The following LEKR1 variants were observed in gnomAD, a reference collection of about 807,000 sequenced individuals.
The protein encoded by LEKR1 is leucine, glutamate and lysine rich 1.
Under a neutral mutation model 72.4 loss-of-function variants are expected in LEKR1, and 59 were observed. The observed-to-expected ratio is 0.82, with a 90% confidence interval of 0.66 to 1.01. The LOEUF (loss-of-function observed/expected upper bound fraction) is 1.01, where lower values mean the gene tolerates loss of function less well. Ranked by LOEUF, LEKR1 falls within the 50% of genes least tolerant of loss-of-function variation. LEKR1 has a pLI of 0.00. For missense variants in LEKR1, 728 were observed against 759.2 expected, an observed-to-expected ratio of 0.96 and a Z score of 0.48; for synonymous variants, 257 against 263.2, an observed-to-expected ratio of 0.98 and a Z score of 0.23.
At chr3:156,916,192 G>A (rs1435478936) in intron 3 of LEKR1, among the ~76,000 whole-genome samples, 3 of 151,950 alleles carry the variant, frequency 2.0e-5, no homozygotes, top group Non-Finnish European at 2.9e-5. Context: ...GTTGGATAGT[G>A]TGATGCTTTT....
chr3:156,913,177 T>G (rs1330815421), intron 3 of LEKR1, among the ~76,000 whole-genome samples: 3 of 152,208 alleles, frequency 2.0e-5, no homozygotes, highest in African/African-American at 7.2e-5. Flanking sequence ...AAAATGACAT[T>G]GATAGTTTGA....
At chr3:157,044,487 T>C (rs1035816764) in intron 12 of LEKR1, among the ~76,000 whole-genome samples, 5 of 152,244 alleles carry the variant, frequency 3.3e-5, no homozygotes, top group African/African-American at 1.2e-4. Context: ...TTTGCTTCAG[T>C]ACATCCCTGT....
rs577845007 is a variant in LEKR1 at position 157,031,388 on chromosome 3, G to C, written c.1668+2986G>C. 5.3e-4 allele frequency among the ~76,000 whole-genome samples: 80 copies of C among 152,222 alleles called. 1 individual carries two copies. The Middle Eastern group carries it at 0.01, about 19-fold the overall frequency. On this transcript the variant is annotated intron_variant, in intron 12 of 12. Transcript: ENST00000356539. ...GAAAACCAATTAAGGGTATACTTAG[G>C]GGGGCAATTTCCTTTTGTGGGAGCG...
At chr3:156,916,493 T>G (rs1723665170) in intron 3 of LEKR1, among the ~76,000 whole-genome samples, 1 of 152,112 alleles carries the variant, frequency 6.6e-6, no homozygotes, top group African/African-American at 2.4e-5. Context: ...TTAACTGTTT[T>G]CCTATTCAGT....
intron 6 of LEKR1, among the ~76,000 whole-genome samples, chr3:156,946,446 T>G (rs1263171368): frequency 6.6e-6 from 1 of 151,630 alleles, no homozygotes; most frequent in African/African-American, 2.4e-5. Flanking sequence ...TTATCTTGTC[T>G]GATTGCTCTA....
chr3:156,888,903 C>G (rs112590934), intron 3 of LEKR1, among the ~76,000 whole-genome samples: 1 of 152,150 alleles, frequency 6.6e-6, no homozygotes, highest in African/African-American at 2.4e-5. Context: ...GAAAAATTAA[C>G]TTAAGCATAA....
intron 3 of LEKR1, among the ~76,000 whole-genome samples, chr3:156,887,505 G>A (rs987098893): frequency 6.6e-6 from 1 of 152,112 alleles, no homozygotes; most frequent in African/African-American, 2.4e-5. Flanking sequence ...GAACTGTTAT[G>A]TAGATGTTTT....
chr3:157,040,879 T>C (rs1475903568), intron 12 of LEKR1, among the ~76,000 whole-genome samples: 1 of 152,200 alleles, frequency 6.6e-6, no homozygotes, highest in African/African-American at 2.4e-5. Context: ...ATGGGAGTCT[T>C]ACCTTCAGAA....
intron 10 of LEKR1, 42 bp downstream of exon 10, chr3:157,011,548 A>G: frequency 7.2e-7 from 1 of 1,381,464 alleles, no homozygotes; most frequent in South Asian, 1.2e-5. Flanking sequence ...ACCTATTTGC[A>G]TTTTAAAAAT....
intron 10 of LEKR1, among the ~76,000 whole-genome samples, chr3:157,015,788 T>C (rs1368692155): frequency 6.6e-6 from 1 of 152,026 alleles, no homozygotes; most frequent in Non-Finnish European, 1.5e-5. Flanking sequence ...GAAAAGACAT[T>C]AAAACAAATA....
At chr3:156,836,383 A>G (rs1252612370) in intron 2 of LEKR1, among the ~76,000 whole-genome samples, 1 of 152,160 alleles carries the variant, frequency 6.6e-6, no homozygotes, top group Non-Finnish European at 1.5e-5. Flanking sequence ...GTAAATGGAG[A>G]AACAATTCAG....
At chr3:156,997,312 G>T (rs1560135717) in intron 9 of LEKR1, among the ~76,000 whole-genome samples, 1 of 152,146 alleles carries the variant, frequency 6.6e-6, no homozygotes, top group South Asian at 2.1e-4. Context: ...AACTGACCCT[G>T]TCTCAGCTTA....
chr3:156,874,702 C>A (rs753625988), intron 3 of LEKR1, among the ~76,000 whole-genome samples: 6 of 152,096 alleles, frequency 3.9e-5, no homozygotes, highest in Non-Finnish European at 5.9e-5. Flanking sequence ...GCTCTTCCCC[C>A]CAAGTTCCCT....
intron 2 of LEKR1, 44 bp downstream of exon 2, chr3:156,829,421 A>G (rs1349353322): frequency 7.3e-7 from 1 of 1,364,920 alleles, no homozygotes; most frequent in Non-Finnish European, 1.0e-6. Flanking sequence ...GGGAACATGT[A>G]GCAGTTACAT....
At chr3:156,844,905 G>A (rs908711665) in intron 2 of LEKR1, among the ~76,000 whole-genome samples, 17 of 56,226 alleles carry the variant, frequency 3.0e-4, no homozygotes, top group Admixed American at 6.2e-4. Flanking sequence ...AGTAACTACA[G>A]GTTTTTTTTT....
chr3:156,943,050 CA>C (rs1726368864), intron 6 of LEKR1, among the ~76,000 whole-genome samples: 1 of 151,906 alleles, frequency 6.6e-6, no homozygotes, highest in South Asian at 2.1e-4. Flanking sequence ...GAATTGCAGG[CA>C]GTCCTTCATT....
intron 6 of LEKR1, among the ~76,000 whole-genome samples, chr3:156,969,619 G>A (rs1261298454): frequency 6.6e-6 from 1 of 152,064 alleles, no homozygotes; most frequent in Non-Finnish European, 1.5e-5. Context: ...CTGAAATTGG[G>A]GCAATAATGA....
chr3:156,863,514 C>T (rs529436455), intron 3 of LEKR1, among the ~76,000 whole-genome samples: 2 of 152,164 alleles, frequency 1.3e-5, no homozygotes, highest in Non-Finnish European at 1.5e-5. Flanking sequence ...ATTAATGCAC[C>T]TTCACAAAAG....
At chr3:156,837,651 A>G (rs1713329861) in intron 2 of LEKR1, among the ~76,000 whole-genome samples, 1 of 152,222 alleles carries the variant, frequency 6.6e-6, no homozygotes, top group African/African-American at 2.4e-5. Context: ...AAGGAGTGAA[A>G]CAATGTGAAT....
Sources: gnomAD v4.1 joint callset for allele counts (sites outside exome capture counted in the v4.1 genomes callset) on GRCh38, gnomAD v4.1.1 for gene constraint, MANE v1.5 for transcripts, NCBI Gene and HGNC (gene_info 2026-07-23, HGNC 2026-07-21) for gene names.